The following MME variants were observed in gnomAD, a reference collection of about 807,000 sequenced individuals.
MME encodes neprilysin.
MME carries 98 observed loss-of-function variants against 113.2 expected under a neutral mutation model. That is an observed-to-expected ratio of 0.87 (90% CI 0.74 to 1.02). MME has a LOEUF of 1.02. Ranked by LOEUF, MME falls within the 50% of genes least tolerant of loss-of-function variation. The pLI is 0.00. For synonymous variants in MME, 292 were observed against 300.6 expected, an observed-to-expected ratio of 0.97 and a Z score of 0.30; for missense variants, 836 against 896.0, an observed-to-expected ratio of 0.93 and a Z score of 0.86.
At chr3:155,154,283 T>C (rs1722157567) in intron 16 of MME, among the ~76,000 whole-genome samples, 1 of 152,068 alleles carries the variant, frequency 6.6e-6, no homozygotes. Flanking sequence ...GACTCCGTGG[T>C]GCATATAGAA....
At chr3:155,166,610 A>T (rs116695180) in intron 17 of MME, among the ~76,000 whole-genome samples, 102 of 152,336 alleles carry the variant, frequency 6.7e-4, no homozygotes, top group African/African-American at 2.4e-3. Context: ...CGTGATGATA[A>T]ATCATAGTTT....
intron 2 of MME, 170 bp downstream of exon 2, chr3:155,084,497 AG>A (rs1377642124): frequency 1.4e-6 from 1 of 700,368 alleles, no homozygotes; most frequent in African/African-American, 1.8e-5. Flanking sequence ...TTAACTTTGA[AG>A]TACGGTGCCT....
chr3:155,133,062 A>AAAAAATATATATAT (rs1553762419), intron 8 of MME, among the ~76,000 whole-genome samples: 2 of 75,080 alleles, frequency 2.7e-5, no homozygotes, highest in East Asian at 6.4e-4. Context: ...AAAAAAAAAA[A>AAAAAATATATATAT]ATATATATAT....
intron 1 of MME, among the ~76,000 whole-genome samples, chr3:155,065,224 T>A (rs1188628040): frequency 6.6e-6 from 1 of 152,146 alleles, no homozygotes; most frequent in African/African-American, 2.4e-5. Context: ...GTGTTTCTTT[T>A]AACTAACCAC....
chr3:155,065,744 G>T (rs1714364147), intron 1 of MME, among the ~76,000 whole-genome samples: 1 of 152,172 alleles, frequency 6.6e-6, no homozygotes, highest in South Asian at 2.1e-4. Context: ...AAATAGACAG[G>T]CAGTCAGTCA....
At chr3:155,118,662 A>T in intron 7 of MME, 84 bp from the exon 8 acceptor site, 1 of 884,854 alleles carries the variant, frequency 1.1e-6, no homozygotes, top group Non-Finnish European at 1.8e-6. Flanking sequence ...GATCTTTCAC[A>T]TACATAGATA....
chr3:155,119,339 C>T (rs920511775), intron 8 of MME, among the ~76,000 whole-genome samples: 6 of 151,298 alleles, frequency 4.0e-5, no homozygotes, highest in Non-Finnish European at 8.8e-5. Context: ...CCATAGTGGA[C>T]GTTTGGATGT....
chr3:155,169,826 G>T (rs1197004685), intron 20 of MME, among the ~76,000 whole-genome samples: 1 of 152,108 alleles, frequency 6.6e-6, no homozygotes, highest in East Asian at 1.9e-4. Context: ...AACATCAATG[G>T]TTGGATCAGG....
chr3:155,034,821 T>TA (rs1202991537), intron 1 of MME, among the ~76,000 whole-genome samples: 3 of 152,112 alleles, frequency 2.0e-5, no homozygotes, highest in African/African-American at 4.8e-5. Context: ...AAATAAAGCA[T>TA]AAAAAATAAT....
At chr3:155,128,723 G>A (rs1046255428) in intron 8 of MME, among the ~76,000 whole-genome samples, 1 of 151,968 alleles carries the variant, frequency 6.6e-6, no homozygotes, top group African/African-American at 2.4e-5. Context: ...AAGCAATGCT[G>A]TGTCTCATTG....
intron 1 of MME, among the ~76,000 whole-genome samples, chr3:155,047,547 C>T (rs1713601831): frequency 6.6e-6 from 1 of 152,158 alleles, no homozygotes; most frequent in Admixed American, 6.6e-5. Context: ...AGACAAGTCT[C>T]TACATGTCTC....
intron 17 of MME, among the ~76,000 whole-genome samples, chr3:155,164,559 T>C (rs779454454): frequency 7.9e-5 from 12 of 152,160 alleles, no homozygotes; most frequent in Non-Finnish European, 1.6e-4. Context: ...ATCTTATCAC[T>C]TGCCTGAAGA....
At chr3:155,157,468 C>G (rs1395030786) in intron 16 of MME, among the ~76,000 whole-genome samples, 1 of 152,098 alleles carries the variant, frequency 6.6e-6, no homozygotes. Flanking sequence ...TGTGAATTTT[C>G]TCTTCTCTGT....
At chr3:155,164,293 AG>A (rs1429656425) in intron 17 of MME, among the ~76,000 whole-genome samples, 1 of 152,148 alleles carries the variant, frequency 6.6e-6, no homozygotes, top group African/African-American at 2.4e-5. Context: ...AGGCAAAAAC[AG>A]GGGGAAGAGG....
chr3:155,044,372 A>G (rs1486184171), intron 1 of MME, among the ~76,000 whole-genome samples: 3 of 151,812 alleles, frequency 2.0e-5, no homozygotes, highest in Admixed American at 1.3e-4. Context: ...ATCTCAGACG[A>G]TCCACCTGCC....
intron 22 of MME, among the ~76,000 whole-genome samples, chr3:155,177,809 C>T (rs746450071): frequency 2.4e-4 from 36 of 152,104 alleles, no homozygotes; most frequent in Non-Finnish European, 3.4e-4. Context: ...GGTTTTTCAA[C>T]GTACTCTTTC....
At chr3:155,097,079 G>A (rs545860699) in intron 3 of MME, among the ~76,000 whole-genome samples, 2 of 152,186 alleles carry the variant, frequency 1.3e-5, no homozygotes, top group African/African-American at 4.8e-5. Flanking sequence ...TAAGTCAGCT[G>A]TTCACCAAGC....
At chr3:155,129,056 C>T (rs1221935463) in intron 8 of MME, among the ~76,000 whole-genome samples, 1 of 152,162 alleles carries the variant, frequency 6.6e-6, no homozygotes, top group Non-Finnish European at 1.5e-5. Flanking sequence ...CATACATTTG[C>T]AGTTTACATT....
chr3:155,063,691 T>G (rs1714274843), intron 1 of MME, among the ~76,000 whole-genome samples: 1 of 134,498 alleles, frequency 7.4e-6, no homozygotes, highest in South Asian at 2.1e-4. Flanking sequence ...TATTATATTA[T>G]ATTATATTAT....
Sources: allele counts gnomAD v4.1 joint callset (sites outside exome capture counted in the v4.1 genomes callset), GRCh38; gene constraint gnomAD v4.1.1; transcripts MANE v1.5; gene names NCBI Gene and HGNC (gene_info 2026-07-23, HGNC 2026-07-21).